The following RPS6KA2 variants were observed in gnomAD, a reference collection of about 807,000 sequenced individuals.
RPS6KA2 encodes the protein ribosomal protein S6 kinase alpha-2.
A neutral mutation model predicts 91.8 loss-of-function variants in RPS6KA2; 42 were observed. The observed-to-expected ratio is 0.46, with a 90% CI of 0.36 to 0.59. The LOEUF (loss-of-function observed/expected upper bound fraction) is 0.59. RPS6KA2 is among the 20% of genes least tolerant of loss of function. The pLI is 0.00. For missense variants in RPS6KA2, 798 were observed against 978.5 expected, an observed-to-expected ratio of 0.82 and a Z score of 2.46; for synonymous variants, 414 against 393.6, an observed-to-expected ratio of 1.05 and a Z score of -0.61.
intron 2 of RPS6KA2, among the ~76,000 whole-genome samples, chr6:166,699,287 G>C (rs1235556479): frequency 2.0e-5 from 3 of 152,174 alleles, no homozygotes; most frequent in African/African-American, 7.2e-5. Flanking sequence ...GGATCACAAA[G>C]GAAGTGGGTT....
chr6:166,602,996 G>A (rs1295407541), intron 1 of RPS6KA2, among the ~76,000 whole-genome samples: 2 of 152,188 alleles, frequency 1.3e-5, no homozygotes, highest in Non-Finnish European at 2.9e-5. Flanking sequence ...GAGAGGTGTT[G>A]GTCAGGGGCA....
chr6:166,628,844 T>C (rs1036485284), upstream of RPS6KA2, among the ~76,000 whole-genome samples: 6 of 152,258 alleles, frequency 3.9e-5, no homozygotes, highest in African/African-American at 1.4e-4. Flanking sequence ...AATAGTGCAA[T>C]TGATTTTCAT....
intron 2 of RPS6KA2, among the ~76,000 whole-genome samples, chr6:166,669,839 A>G (rs1370958730): frequency 6.6e-6 from 1 of 152,174 alleles, no homozygotes; most frequent in Non-Finnish European, 1.5e-5. Context: ...GGTCCAGGGT[A>G]GGCCAGGGCC....
chr6:166,726,222 T>G lies in RPS6KA2; in HGVS notation c.123+131978A>C, dbSNP rs985011600. On this transcript the variant is annotated intron_variant, in intron 2 of 21. Coordinates refer to the RPS6KA2 transcript ENST00000503859. The surrounding 1 kb of genome is among the most constrained non-coding windows in gnomAD (Gnocchi z 4.4). The stretch of plus-strand genomic sequence containing the variant: ...CAAAGTCCTAGCCACGGCCATCTGA[T>G]GTGGTAGAAGAATAAACTGAAAAGC... Among the ~76,000 whole-genome samples, 1 of 151,966 alleles carries G rather than the reference T, an allele frequency of 6.6e-6. No individual in the cohort carries two copies. Among genetic ancestry groups the G allele is most frequent in the Non-Finnish European group, 1.5e-5 (1 of 68,004 alleles).
rs1009377472 is a variant in RPS6KA2 at position 166,603,641 on chromosome 6, C to T, written c.99+23280G>A. Among the ~76,000 whole-genome samples the T allele has an allele frequency of 6.6e-6, 1 of 152,134 alleles. No individual in the cohort carries two copies. Among genetic ancestry groups the T allele is most frequent in the African/African-American group, 2.4e-5 (1 of 41,432 alleles). On this transcript the variant is annotated intron_variant, in intron 1 of 20. Coordinates refer to ENST00000265678, the MANE Select transcript of RPS6KA2 (RefSeq NM_021135.6). The surrounding 1 kb of genome is among the most constrained non-coding windows in gnomAD (Gnocchi z 4.3). The stretch of plus-strand genomic sequence containing the variant: ...ATGCTTCCACCTGGGCAACACCTGT[C>T]ATTGGGAGGGCATCGTGAACATGGC...
At chr6:166,763,585 C>T (rs572808342) in intron 2 of RPS6KA2, among the ~76,000 whole-genome samples, 13 of 152,310 alleles carry the variant, frequency 8.5e-5, no homozygotes, top group Non-Finnish European at 1.9e-4. Context: ...AAAGCAAAAA[C>T]AGGAGCAAGG....
chr6:166,692,724 T>G (rs974554481), intron 2 of RPS6KA2, among the ~76,000 whole-genome samples: 1 of 152,174 alleles, frequency 6.6e-6, no homozygotes, highest in Admixed American at 6.5e-5. Context: ...AGGAACCATC[T>G]TAAAAACAAA....
intron 2 of RPS6KA2, among the ~76,000 whole-genome samples, chr6:166,851,744 T>A (rs1780752113): frequency 6.6e-6 from 1 of 152,130 alleles, no homozygotes; most frequent in South Asian, 2.1e-4. Flanking sequence ...GCTGACTTTG[T>A]TACAGAAGCA....
chr6:166,778,869 C>T (rs553160663), intron 2 of RPS6KA2, among the ~76,000 whole-genome samples: 6 of 152,350 alleles, frequency 3.9e-5, no homozygotes, highest in East Asian at 1.9e-4. Flanking sequence ...GTAAGCGCCA[C>T]GCTGCGTCTG....
intron 2 of RPS6KA2, among the ~76,000 whole-genome samples, chr6:166,761,127 G>A (rs936714022): frequency 2.0e-5 from 3 of 152,124 alleles, no homozygotes; most frequent in African/African-American, 4.8e-5. Context: ...GCAGTGGTGC[G>A]ATCTCGGCTC....
At chr6:166,745,633 A>G (rs1452140477) in intron 2 of RPS6KA2, among the ~76,000 whole-genome samples, 1 of 152,070 alleles carries the variant, frequency 6.6e-6, no homozygotes, top group Non-Finnish European at 1.5e-5. Context: ...TAACAACAGA[A>G]CCCCAAAGCC....
chr6:166,488,476 A>G (rs1254221146), intron 10 of RPS6KA2, among the ~76,000 whole-genome samples: 3 of 152,240 alleles, frequency 2.0e-5, no homozygotes. Context: ...TTCTCAATTT[A>G]GGGAGAATTA....
intron 2 of RPS6KA2, among the ~76,000 whole-genome samples, chr6:166,688,521 G>A (rs1440340420): frequency 1.3e-5 from 2 of 152,198 alleles, no homozygotes; most frequent in African/African-American, 4.8e-5. Flanking sequence ...CCCTAGCAAT[G>A]AGCAGAACCG....
At chr6:166,605,654 G>A (rs1481402919) in intron 1 of RPS6KA2, among the ~76,000 whole-genome samples, 4 of 152,048 alleles carry the variant, frequency 2.6e-5, no homozygotes, top group Non-Finnish European at 2.9e-5. Context: ...AATGTGAAAG[G>A]GCCACGTGAG....
At chr6:166,799,838 G>C (rs1165630434) in intron 2 of RPS6KA2, among the ~76,000 whole-genome samples, 1 of 151,980 alleles carries the variant, frequency 6.6e-6, no homozygotes, top group Non-Finnish European at 1.5e-5. Flanking sequence ...TGATTTCTGC[G>C]ATCTGGGTGC....
At chr6:166,824,825 C>CTG (rs57514422) in intron 2 of RPS6KA2, among the ~76,000 whole-genome samples, 4 of 144,418 alleles carry the variant, frequency 2.8e-5, no homozygotes, top group South Asian at 2.3e-4. Flanking sequence ...CTGTGTGTGT[C>CTG]TGTGTGTGTG....
intron 2 of RPS6KA2, among the ~76,000 whole-genome samples, chr6:166,720,108 G>A (rs1790130887): frequency 6.6e-6 from 1 of 152,150 alleles, no homozygotes; most frequent in Non-Finnish European, 1.5e-5. Flanking sequence ...ATTCCTCATT[G>A]AAATAATTCA....
At chr6:166,627,496 G>A (rs1000633953), upstream of RPS6KA2, 4 of 152,944 alleles carry the variant, frequency 2.6e-5, no homozygotes, top group African/African-American at 9.7e-5. Context: ...GCCGCCCTGT[G>A]GTTCCAGGTG....
rs1779645443 is a variant in RPS6KA2 at position 166,445,379 on chromosome 6, A to AG, written c.1332+3344_1332+3345insC. On this transcript the variant is annotated intron_variant, in intron 14 of 20. Transcript: ENST00000265678. The surrounding 1 kb of genome is among the most constrained non-coding windows in gnomAD (Gnocchi z 4.5). Reference sequence around the variant, plus strand: ...TATCAACCTCCTGGCCTTTATCTACATGAGACCTGCTCTCACCCACAAGGA... The same window carrying AG: ...TATCAACCTCCTGGCCTTTATCTACAGTGAGACCTGCTCTCACCCACAAGGA... 6.6e-6 allele frequency among the ~76,000 whole-genome samples: 1 copy of AG among 152,222 alleles called. No homozygotes were observed. Among genetic ancestry groups the AG allele is most frequent in the African/African-American group, 2.4e-5 (1 of 41,456 alleles).
Sources: gnomAD v4.1 joint callset for allele counts (sites outside exome capture counted in the v4.1 genomes callset) on GRCh38, gnomAD v4.1.1 for gene constraint, Gnocchi (gnomAD v3.1) non-coding constraint, MANE v1.5 for transcripts, NCBI Gene and HGNC (gene_info 2026-07-23, HGNC 2026-07-21) for gene names.